Variants in MYO1E observed in about 807,000 individuals in gnomAD.
MYO1E encodes myosin IE.
In MYO1E, 68 loss-of-function variants were observed where a neutral mutation model predicts 151.1. The observed-to-expected ratio is 0.45, with a 90% CI of 0.37 to 0.55. The LOEUF is 0.55. MYO1E is among the 20% of genes least tolerant of loss of function. The pLI is 0.00. For missense variants in MYO1E, 1,363 were observed against 1,389.3 expected, an observed-to-expected ratio of 0.98 and a Z score of 0.30; for synonymous variants, 601 against 501.7, an observed-to-expected ratio of 1.20 and a Z score of -2.64.
Position 59,153,808 on chromosome 15 carries a change from A to G in MYO1E, c.2879-17T>C. ...GATGGTATCCTAGAGAGAGGAACAG[A>G]GAAGGAAATAAGGCTCAGATTTTTG... On this transcript the variant is annotated splice_polypyrimidine_tract_variant and intron_variant, in intron 25 of 27. Coordinates refer to ENST00000288235, the MANE Select transcript of MYO1E (RefSeq NM_004998.4). 1 of 1,606,916 alleles carries G rather than the reference A, an allele frequency of 6.2e-7. No homozygotes were observed. Among genetic ancestry groups the G allele is most frequent in the Non-Finnish European group, 8.5e-7 (1 of 1,173,412 alleles).
intron 25 of MYO1E, among the ~76,000 whole-genome samples, chr15:59,155,669 A>C (rs1259574648): frequency 2.6e-5 from 4 of 152,128 alleles, no homozygotes; most frequent in Non-Finnish European, 4.4e-5. Flanking sequence ...GTAATATGAT[A>C]CTACAGTGCT....
At chr15:59,295,985 A>C (rs1294904440) in intron 1 of MYO1E, among the ~76,000 whole-genome samples, 4 of 152,204 alleles carry the variant, frequency 2.6e-5, no homozygotes, top group Non-Finnish European at 5.9e-5. Context: ...GGGAACCAGA[A>C]CCAGCAGTGG....
At chr15:59,150,984 G>GA (rs2079472427) in intron 26 of MYO1E, among the ~76,000 whole-genome samples, 2 of 150,994 alleles carry the variant, frequency 1.3e-5, no homozygotes, top group Non-Finnish European at 2.9e-5. Context: ...CCAAGACTGG[G>GA]GGGTAGTGGA....
At chr15:59,283,894 G>A (rs1425571769) in intron 1 of MYO1E, among the ~76,000 whole-genome samples, 1 of 152,230 alleles carries the variant, frequency 6.6e-6, no homozygotes, top group African/African-American at 2.4e-5. Flanking sequence ...TTTACTATGT[G>A]TCACGTATCA....
intron 2 of MYO1E, among the ~76,000 whole-genome samples, chr15:59,265,372 G>A (rs184885028): frequency 1.4e-3 from 217 of 152,214 alleles, no homozygotes; most frequent in Non-Finnish European, 2.5e-3. Flanking sequence ...TTGCATATGA[G>A]CTCCTAAAGT....
At chr15:59,213,136 TTTATTATTA>T (rs147109664) in intron 12 of MYO1E, among the ~76,000 whole-genome samples, 48,891 of 138,968 alleles carry the variant, frequency 0.35, 9,204 homozygotes, top group Middle Eastern at 0.46. Context: ...GAACTATTTA[TTTATTATTA>T]TTATTATTAT....
At chr15:59,285,350 CTTT>C (rs368001329) in intron 1 of MYO1E, among the ~76,000 whole-genome samples, 6 of 74,054 alleles carry the variant, frequency 8.1e-5, no homozygotes, top group African/African-American at 1.1e-4. Context: ...GACACTGTCT[CTTT>C]TTTTTTTTTT....
chr15:59,176,220 G>A (rs1176012258), intron 19 of MYO1E, among the ~76,000 whole-genome samples: 11 of 151,824 alleles, frequency 7.2e-5, no homozygotes, highest in African/African-American at 1.9e-4. Context: ...CACCATGCCC[G>A]GCTAATTTTT....
At chr15:59,179,716 G>A (rs554164059) in intron 18 of MYO1E, among the ~76,000 whole-genome samples, 7 of 152,170 alleles carry the variant, frequency 4.6e-5, no homozygotes, top group Non-Finnish European at 7.3e-5. Flanking sequence ...AAAAAGCCAT[G>A]GACTGGTTCA....
intron 22 of MYO1E, among the ~76,000 whole-genome samples, chr15:59,166,617 TAA>T: frequency 6.6e-6 from 1 of 152,306 alleles, no homozygotes; most frequent in Non-Finnish European, 1.5e-5. Flanking sequence ...TAAGCTTTTA[TAA>T]AAGTCTTTCC....
chr15:59,254,398 G>C (rs138154131), intron 4 of MYO1E, among the ~76,000 whole-genome samples: 1 of 152,032 alleles, frequency 6.6e-6, no homozygotes, highest in African/African-American at 2.4e-5. Flanking sequence ...TATGTTGTCC[G>C]GGCTGATCTC....
At chr15:59,258,961 T>G (rs2080209994) in intron 3 of MYO1E, among the ~76,000 whole-genome samples, 2 of 152,012 alleles carry the variant, frequency 1.3e-5, no homozygotes, top group South Asian at 2.1e-4. Flanking sequence ...CTTGTTTTTT[T>G]TTGTTTTTGT....
At chr15:59,368,998 CTTT>C (rs554757940) in intron 1 of MYO1E, among the ~76,000 whole-genome samples, 1 of 152,168 alleles carries the variant, frequency 6.6e-6, no homozygotes, top group African/African-American at 2.4e-5. Flanking sequence ...TCCATCAAAA[CTTT>C]TTTTGTGCTT....
intron 1 of MYO1E, among the ~76,000 whole-genome samples, chr15:59,356,738 C>A (rs142681618): frequency 3.3e-5 from 5 of 151,958 alleles, no homozygotes; most frequent in Middle Eastern, 3.4e-3. Flanking sequence ...ACACCACAAC[C>A]GGCTATTTTC....
chr15:59,212,643 T>G (rs1463903559), intron 12 of MYO1E: 2 of 152,148 alleles, frequency 1.3e-5, no homozygotes, highest in Non-Finnish European at 2.9e-5. Context: ...TTTTTTACAG[T>G]TCACTCTCCA....
intron 1 of MYO1E, among the ~76,000 whole-genome samples, chr15:59,324,234 C>T (rs1044390903): frequency 3.9e-5 from 6 of 152,122 alleles, no homozygotes; most frequent in African/African-American, 1.4e-4. Context: ...TCTGCAGTGT[C>T]CTAGGTCTGC....
chr15:59,363,155 T>C (rs2080895041), intron 1 of MYO1E, among the ~76,000 whole-genome samples: 1 of 152,090 alleles, frequency 6.6e-6, no homozygotes, highest in Non-Finnish European at 1.5e-5. Context: ...TTTTTTGCAT[T>C]GTTAGTAGAG....
At chr15:59,270,323 A>C (rs1401695062) in intron 2 of MYO1E, among the ~76,000 whole-genome samples, 5 of 152,082 alleles carry the variant, frequency 3.3e-5, no homozygotes, top group African/African-American at 9.7e-5. Context: ...AGGCCGAGGC[A>C]GGTGGGTTGC....
At chr15:59,156,569 G>T (rs1179617731) in intron 25 of MYO1E, among the ~76,000 whole-genome samples, 1 of 152,166 alleles carries the variant, frequency 6.6e-6, no homozygotes, top group Non-Finnish European at 1.5e-5. Context: ...TCTCAAGCAA[G>T]TCTCCTGCCT....
Sources: allele counts gnomAD v4.1 joint callset (sites outside exome capture counted in the v4.1 genomes callset), GRCh38; gene constraint gnomAD v4.1.1; transcripts MANE v1.5; gene names NCBI Gene and HGNC (gene_info 2026-07-23, HGNC 2026-07-21).